The following HMG20A variants were observed in gnomAD, a reference collection of about 807,000 sequenced individuals.
HMG20A encodes high mobility group protein 20A.
Under a neutral mutation model 43.9 loss-of-function variants are expected in HMG20A, and 17 were observed. That is an observed-to-expected ratio of 0.39 (90% confidence interval 0.27 to 0.58). The LOEUF is 0.58. Among genes scored for constraint, HMG20A ranks in the 20% least tolerant of loss-of-function variants. The probability of loss-of-function intolerance (pLI) is 0.59; values close to 1 mark genes in which losing one functional copy is unlikely to be tolerated. For synonymous variants in HMG20A, 132 were observed against 147.5 expected (o/e 0.89, Z 0.76); for missense variants, 341 against 438.2 (o/e 0.78, Z 1.98).
chr15:77,486,259 C>CTTTT (rs71145843), downstream of HMG20A, among the ~76,000 whole-genome samples: 3 of 128,664 alleles, frequency 2.3e-5, no homozygotes, highest in Admixed American at 8.0e-5. Context: ...TAAATGCTTG[C>CTTTT]TTTTTTTTTT....
intron 1 of HMG20A, among the ~76,000 whole-genome samples, chr15:77,445,983 G>A (rs748712766): frequency 6.6e-6 from 1 of 152,236 alleles, no homozygotes; most frequent in African/African-American, 2.4e-5. Flanking sequence ...GATAAGGGGG[G>A]ACTACCGTCT....
intron 1 of HMG20A, chr15:77,447,821 A>G (rs2073691665): frequency 6.6e-6 from 1 of 152,230 alleles, no homozygotes; most frequent in Non-Finnish European, 1.5e-5. Flanking sequence ...GGTGATCAAC[A>G]AATGTTTGTT....
At chr15:77,479,429 G>A (rs2072887338) in intron 9 of HMG20A, 108 bp downstream of exon 9, 3 of 1,028,430 alleles carry the variant, frequency 2.9e-6, no homozygotes, top group Non-Finnish European at 4.3e-6. Flanking sequence ...GGATGAACAA[G>A]TTGGAGACTT....
At chr15:77,438,528 A>G (rs2142289241) in intron 1 of HMG20A, among the ~76,000 whole-genome samples, 1 of 152,278 alleles carries the variant, frequency 6.6e-6, no homozygotes, top group Non-Finnish European at 1.5e-5. Context: ...ATACACATCT[A>G]TTATGATTTG....
intron 1 of HMG20A, among the ~76,000 whole-genome samples, chr15:77,438,815 G>C (rs915537777): frequency 2.0e-5 from 3 of 151,190 alleles, no homozygotes; most frequent in Non-Finnish European, 4.4e-5. Context: ...TTTTTGAGAC[G>C]GAGTCTCCTC....
chr15:77,464,143 AGGACT>A (rs1425594082), intron 2 of HMG20A, 92 bp from the exon 3 acceptor site: 2 of 1,281,234 alleles, frequency 1.6e-6, no homozygotes, highest in African/African-American at 3.0e-5. Flanking sequence ...AATTAATTCA[AGGACT>A]GGCATGTGCT....
intron 1 of HMG20A, among the ~76,000 whole-genome samples, chr15:77,455,073 A>G (rs1321847355): frequency 6.6e-6 from 1 of 151,832 alleles, no homozygotes; most frequent in Non-Finnish European, 1.5e-5. Flanking sequence ...GTGTAAAGTA[A>G]GAAAAGGGCA....
rs966192874 is a variant in HMG20A, at chr15:77,483,503, C to T, written c.*540C>T. On this transcript the variant is annotated 3_prime_UTR_variant, in exon 10 of 10. Transcript: ENST00000336216. ...CAAGGTTCTGAAGGAGAGTTTCTTGCATTGGACAGGCCCAGTCTTCTCCCA... is the reference window on the plus strand; with the variant it reads ...CAAGGTTCTGAAGGAGAGTTTCTTGTATTGGACAGGCCCAGTCTTCTCCCA... 6.5e-6 allele frequency: 1 copy of T among 152,708 alleles called. No individual in the cohort carries two copies. Among genetic ancestry groups the T allele is most frequent in the African/African-American group, 2.4e-5 (1 of 41,456 alleles). 9.5% of individuals were successfully genotyped at this position (152,708 alleles called of 1,614,324 possible). A position where few individuals can be genotyped will look rare whatever the true frequency, so the allele number is the denominator to read the frequency against.
rs1402451370 is a variant in HMG20A, at chr15:77,471,769, T to C, written c.584-14T>C. Reference sequence around the variant, plus strand: ...TTTTAAATGTAATGTTCTCTTATTCTTTTATATTTTTAGATGCAGCCCGGC... The same window carrying C: ...TTTTAAATGTAATGTTCTCTTATTCCTTTATATTTTTAGATGCAGCCCGGC... On this transcript the variant is annotated splice_polypyrimidine_tract_variant and intron_variant, in intron 5 of 9. Transcript: ENST00000336216. 1 of 1,562,596 alleles carries C rather than the reference T, an allele frequency of 6.4e-7. No homozygotes were observed. Among genetic ancestry groups the C allele is most frequent in the East Asian group, 2.2e-5 (1 of 44,554 alleles).
chr15:77,457,185 A>T (rs187632551), intron 1 of HMG20A, among the ~76,000 whole-genome samples: 1 of 152,354 alleles, frequency 6.6e-6, no homozygotes, highest in East Asian at 1.9e-4. Flanking sequence ...AAATCACTCC[A>T]TTGAACATGG....
At chr15:77,464,592 T>A (rs2072737520) in intron 3 of HMG20A, 1 of 431,826 alleles carries the variant, frequency 2.3e-6, no homozygotes, top group East Asian at 4.4e-5. Flanking sequence ...TTTTTCCCTG[T>A]TCCCTAAGAA....
chr15:77,507,717 A>C, the HMG20A span, among the ~76,000 whole-genome samples: 1 of 152,354 alleles, frequency 6.6e-6, no homozygotes, highest in South Asian at 2.1e-4. Context: ...AATGGAGCAC[A>C]AAAATGTCCA....
At chr15:77,470,844 A>G (rs918265012) in intron 4 of HMG20A, 66 bp from the exon 5 acceptor site, 2 of 1,349,640 alleles carry the variant, frequency 1.5e-6, no homozygotes, top group Middle Eastern at 2.1e-4. Context: ...TTCTTCAAAT[A>G]GGTAATTTAA....
At position 77,485,553 on chromosome 15, in the gene HMG20A, A is replaced by G. The variant is rs1161833546; in HGVS notation, c.*2590A>G. 1 of 152,632 alleles carries G rather than the reference A, an allele frequency of 6.6e-6. No individual in the cohort carries two copies. Among genetic ancestry groups the G allele is most frequent in the African/African-American group, 2.4e-5 (1 of 41,446 alleles). The allele number at this position is 152,632 out of a possible 1,614,324, so 9.5% of individuals were successfully genotyped here. ...TTCAGATTTTCTTTGTTTTTTAAGA[A>G]GTTGATGTGCTTGTTTGACATTTGT... On this transcript the variant is annotated 3_prime_UTR_variant, in exon 10 of 10. Transcript: ENST00000336216.
At chr15:77,466,752 T>C in intron 3 of HMG20A, among the ~76,000 whole-genome samples, 1 of 152,222 alleles carries the variant, frequency 6.6e-6, no homozygotes, top group Admixed American at 6.5e-5. Flanking sequence ...ACCTGACAGT[T>C]GTCTGTGGGA....
chr15:77,511,380 C>A, the HMG20A span, among the ~76,000 whole-genome samples: 3 of 152,192 alleles, frequency 2.0e-5, no homozygotes, highest in African/African-American at 7.2e-5. Context: ...CAGCCCAGAT[C>A]TGCCCCCAAA....
At chr15:77,456,418 C>T (rs536587011) in intron 1 of HMG20A, among the ~76,000 whole-genome samples, 30 of 152,206 alleles carry the variant, frequency 2.0e-4, no homozygotes, top group African/African-American at 7.2e-4. Context: ...TAGTGGCTCA[C>T]ACCTGTAATC....
At chr15:77,470,584 G>A (rs567977125) in intron 4 of HMG20A, among the ~76,000 whole-genome samples, 2 of 152,270 alleles carry the variant, frequency 1.3e-5, no homozygotes, top group South Asian at 2.1e-4. Context: ...TGGCCATATA[G>A]AGTTCTATCT....
chr15:77,445,459 C>T (rs144269166), intron 1 of HMG20A, among the ~76,000 whole-genome samples: 5 of 152,148 alleles, frequency 3.3e-5, no homozygotes, highest in African/African-American at 9.6e-5. Flanking sequence ...GTAGGATGCC[C>T]GAAACCATGG....
Sources: allele counts gnomAD v4.1 joint callset (sites outside exome capture counted in the v4.1 genomes callset), GRCh38; gene constraint gnomAD v4.1.1; transcripts MANE v1.5; gene names NCBI Gene and HGNC (gene_info 2026-07-23, HGNC 2026-07-21).